The following SLC7A6 variants were observed in gnomAD, a reference collection of about 807,000 sequenced individuals.
SLC7A6 encodes the protein Y+L amino acid transporter 2.
Under a neutral mutation model 46.6 loss-of-function variants are expected in SLC7A6, and 29 were observed. The observed-to-expected ratio is 0.62, with a 90% confidence interval of 0.46 to 0.85. The LOEUF (loss-of-function observed/expected upper bound fraction) is 0.85, where lower values mean the gene tolerates loss of function less well. SLC7A6 is among the 40% of genes least tolerant of loss of function. SLC7A6 has a pLI of 0.00. For synonymous variants in SLC7A6, 276 were observed against 257.3 expected, an observed-to-expected ratio of 1.07 and a Z score of -0.70; for missense variants, 527 against 647.6, an observed-to-expected ratio of 0.81 and a Z score of 2.02.
Position 68,297,470 on chromosome 16 carries a change from C to CT in SLC7A6, c.*144dup. ...GTGGGGCTCAGGGCCAGTGCTCACT[C>CT]TTATTGGTAAGCTATAGGAGACTCA... On this transcript the variant is annotated 3_prime_UTR_variant, in exon 11 of 11. Transcript: ENST00000219343. 1 of 584,604 alleles carries CT rather than the reference C, an allele frequency of 1.7e-6. No homozygotes were observed. Among genetic ancestry groups the CT allele is most frequent in the Non-Finnish European group, 2.9e-6 (1 of 347,756 alleles). 36.2% of individuals were successfully genotyped at this position (584,604 alleles called of 1,614,324 possible). A position where few individuals can be genotyped will look rare whatever the true frequency, so the allele number is the denominator to read the frequency against.
At chr16:68,269,763 AAAAAG>A (rs1282713041) in intron 2 of SLC7A6, among the ~76,000 whole-genome samples, 2 of 152,014 alleles carry the variant, frequency 1.3e-5, no homozygotes, top group South Asian at 2.1e-4. Context: ...CAAAAAAAAA[AAAAAG>A]AAAGAAAAAA....
intron 3 of SLC7A6, among the ~76,000 whole-genome samples, chr16:68,276,086 T>C (rs769912430): frequency 3.9e-5 from 6 of 152,242 alleles, no homozygotes; most frequent in Non-Finnish European, 7.3e-5. Flanking sequence ...CTGTCTGCCA[T>C]TGCTGCTCTT....
At chr16:68,280,003 C>T (rs757533372) in intron 3 of SLC7A6, among the ~76,000 whole-genome samples, 7 of 152,178 alleles carry the variant, frequency 4.6e-5, no homozygotes, top group Non-Finnish European at 7.3e-5. Context: ...TATTCTCTTC[C>T]GACTAGGGTA....
At chr16:68,289,208 G>A (rs1041008142) in intron 4 of SLC7A6, among the ~76,000 whole-genome samples, 2 of 152,004 alleles carry the variant, frequency 1.3e-5, no homozygotes, top group Non-Finnish European at 1.5e-5. Context: ...CAGGAGAATC[G>A]CCTTAAACTG....
rs1220944782 is a variant in SLC7A6, at chr16:68,298,899, G to T, written c.*1571G>T. 1 of 152,588 alleles carries T rather than the reference G, an allele frequency of 6.6e-6. No homozygotes were observed. The highest frequency in any genetic ancestry group is 2.4e-5 in the African/African-American group (1 of 41,412). 9.5% of individuals were successfully genotyped at this position (152,588 alleles called of 1,614,324 possible). ...CCCCATGGGCTTATCCTTAGGTTTT[G>T]GAATTGGTCAACAGTGAGGCAGTCT... On this transcript the variant is annotated 3_prime_UTR_variant, in exon 11 of 11. Coordinates refer to ENST00000219343, the MANE Select transcript of SLC7A6 (RefSeq NM_003983.6).
rs1487909121 is a variant in SLC7A6, at chr16:68,297,834, T to C, written c.*506T>C. 2 of 152,964 alleles carry C rather than the reference T, an allele frequency of 1.3e-5. No homozygotes were observed. The highest frequency in any genetic ancestry group is 1.9e-4 in the East Asian group (1 of 5,202). 9.5% of individuals were successfully genotyped at this position (152,964 alleles called of 1,614,324 possible). A position where few individuals can be genotyped will look rare whatever the true frequency, so the allele number is the denominator to read the frequency against. On this transcript the variant is annotated 3_prime_UTR_variant, in exon 11 of 11. Transcript: ENST00000219343. ...AGAGTTATATTCCCTTATTTATTGA[T>C]ATTTAGTCCAGAACACCAGTTCTAA...
At position 68,269,753 on chromosome 16, in the gene SLC7A6, C is replaced by CA. The variant is rs11306082; in HGVS notation, c.-37+3046dup. 1.8e-3 allele frequency among the ~76,000 whole-genome samples: 253 copies of CA among 141,826 alleles called. 1 individual carries two copies. The highest frequency in any genetic ancestry group is 5.2e-3 in the African/African-American group (201 of 38,526). The allele number at this position is 141,826 out of a possible 152,430, so 93.0% of individuals were successfully genotyped here. On this transcript the variant is annotated intron_variant, in intron 2 of 10. Transcript: ENST00000219343. ...TGCGTGACAAAGCAAGACTCTGTCTCAAAAAAAAAAAAAAGAAAGAAAAAA... is the reference window on the plus strand; with the variant it reads ...TGCGTGACAAAGCAAGACTCTGTCTCAAAAAAAAAAAAAAAGAAAGAAAAAA...
At chr16:68,286,648 G>GTCAT (rs1391950180) in intron 3 of SLC7A6, among the ~76,000 whole-genome samples, 1 of 152,218 alleles carries the variant, frequency 6.6e-6, no homozygotes, top group Admixed American at 6.5e-5. Flanking sequence ...CCATGGATCA[G>GTCAT]TCATTGTTTA....
chr16:68,296,423 C>T lies in SLC7A6; in HGVS notation c.1179C>T (p.Phe393=). 3 of 1,614,116 alleles carry T rather than the reference C, an allele frequency of 1.9e-6. No individual in the cohort carries two copies. Among genetic ancestry groups the T allele is most frequent in the Non-Finnish European group, 2.5e-6 (3 of 1,180,028 alleles). ...VEDVFQLINY[F]SFSYWFFVGL... is the part of the protein sequence containing the mutation. ...ATGTTTTCCAGCTTATCAACTACTT[C>T]AGCTTCAGCTACTGGTTCTTCGTGG... Residue 393 remains phenylalanine (F), a synonymous_variant, in exon 9 of 11, where the codon TTC becomes TTT. Coordinates refer to ENST00000219343, the MANE Select transcript of SLC7A6 (RefSeq NM_003983.6).
intron 3 of SLC7A6, among the ~76,000 whole-genome samples, chr16:68,278,133 T>A (rs947540115): frequency 6.6e-6 from 1 of 151,708 alleles, no homozygotes; most frequent in African/African-American, 2.4e-5. Flanking sequence ...ATTTTTGTAT[T>A]TTTAGTACAG....
intron 3 of SLC7A6, among the ~76,000 whole-genome samples, chr16:68,278,489 T>C (rs1229942240): frequency 1.3e-5 from 2 of 151,126 alleles, no homozygotes; most frequent in African/African-American, 2.4e-5. Flanking sequence ...CCCTGGGTAC[T>C]TGAGATTAGG....
chr16:68,287,714 G>T, intron 3 of SLC7A6, 32 bp from the exon 4 acceptor site: 1 of 1,606,206 alleles, frequency 6.2e-7, no homozygotes, highest in Non-Finnish European at 8.5e-7. Flanking sequence ...CTCAACTCAA[G>T]CCTGCCAGTG....
In SLC7A6 at chr16:68,296,502, C is replaced by T. The variant is rs753225156; in HGVS notation, c.1258C>T (p.Arg420Trp). 6.8e-6 allele frequency: 11 copies of T among 1,614,056 alleles called. No homozygotes were observed. The highest frequency in any genetic ancestry group is 1.6e-4 in the Middle Eastern group (1 of 6,084). The part of the protein sequence containing the change: ...YLRWKEPKRP[R>W]PLKLSVFFPI... ...CCGCTGGAAGGAGCCCAAGCGGCCCCGGCCTCTCAAGGTCAGCAGCTCTGG... is the reference window on the plus strand; with the variant it reads ...CCGCTGGAAGGAGCCCAAGCGGCCCTGGCCTCTCAAGGTCAGCAGCTCTGG... The change falls in exon 9 of 11, where the codon CGG (arginine) becomes TGG (tryptophan). Residue 420 changes from arginine to tryptophan, a missense_variant. Physicochemically the swap from Arg to Trp is moderately radical, Grantham distance 101. Coordinates refer to ENST00000219343, the MANE Select transcript of SLC7A6 (RefSeq NM_003983.6).
intron 3 of SLC7A6, among the ~76,000 whole-genome samples, chr16:68,286,759 G>A (rs892837102): frequency 1.3e-5 from 2 of 152,128 alleles, no homozygotes; most frequent in African/African-American, 4.8e-5. Flanking sequence ...GAGTACTCGA[G>A]TGGGTGCGCT....
chr16:68,285,899 C>G (rs2042920547), intron 3 of SLC7A6, among the ~76,000 whole-genome samples: 1 of 151,730 alleles, frequency 6.6e-6, no homozygotes, highest in Non-Finnish European at 1.5e-5. Flanking sequence ...CCAGACCAGC[C>G]TGGACAATAC....
At chr16:68,291,362 T>A (rs1402736959) in intron 6 of SLC7A6, 30 bp downstream of exon 6, 9 of 1,612,566 alleles carry the variant, frequency 5.6e-6, no homozygotes, top group Non-Finnish European at 7.6e-6. Context: ...CATTTGTTCA[T>A]CATCTCCTGA....
chr16:68,296,030 C>T (rs574357174), intron 8 of SLC7A6, among the ~76,000 whole-genome samples: 1 of 152,264 alleles, frequency 6.6e-6, no homozygotes, highest in African/African-American at 2.4e-5. Flanking sequence ...CAGGTCTAAC[C>T]CCTCTCTAGG....
chr16:68,294,841 G>A, intron 8 of SLC7A6, 40 bp downstream of exon 8: 1 of 1,355,846 alleles, frequency 7.4e-7, no homozygotes, highest in Non-Finnish European at 1.1e-6. Context: ...GTGGATCTGT[G>A]CATTGCTCCT....
At position 68,292,745 on chromosome 16, in the gene SLC7A6, C is replaced by T. The variant is rs752248596; in HGVS notation, c.1022+1084C>T. The T allele has an allele frequency of 3.3e-5, 5 of 152,346 alleles. No homozygotes were observed. The South Asian group carries it at 8.3e-4, about 25-fold the overall frequency. 9.4% of individuals were successfully genotyped at this position (152,346 alleles called of 1,614,324 possible). ...CCATCTGTTAAGAGTTTGGCTTCTA[C>T]TACCTGAAAAATATTCTTATTAAGG... On this transcript the variant is annotated intron_variant, in intron 7 of 10. Transcript: ENST00000219343.
Sources: gnomAD v4.1 joint callset for allele counts (sites outside exome capture counted in the v4.1 genomes callset) on GRCh38, gnomAD v4.1.1 for gene constraint, MANE v1.5 for transcripts, NCBI Gene and HGNC (gene_info 2026-07-23, HGNC 2026-07-21) for gene names.